DMXL1: variants seen among roughly 807,000 people sequenced by gnomAD.
DMXL1 encodes Dmx like 1.
Under a neutral mutation model 319.2 loss-of-function variants are expected in DMXL1, and 99 were observed. That is an observed-to-expected ratio of 0.31 (90% CI 0.26 to 0.37). The LOEUF is 0.37. DMXL1 is among the 10% of genes least tolerant of loss of function. The probability of loss-of-function intolerance (pLI) is 1.00; values close to 1 mark genes in which losing one functional copy is unlikely to be tolerated. For missense variants in DMXL1, 3,745 were observed against 3,595.6 expected, an observed-to-expected ratio of 1.04 and a Z score of -1.06; for synonymous variants, 1,385 against 1,235.2, an observed-to-expected ratio of 1.12 and a Z score of -2.54.
intron 8 of DMXL1, among the ~76,000 whole-genome samples, 190 bp from the exon 9 acceptor site, chr5:119,120,781 A>C (rs1761871506): frequency 6.6e-6 from 1 of 152,264 alleles, no homozygotes; most frequent in Non-Finnish European, 1.5e-5. Context: ...TTTATTCTTC[A>C]GGATTCAAAT....
intron 33 of DMXL1, among the ~76,000 whole-genome samples, chr5:119,205,612 C>A (rs1781604720): frequency 6.6e-6 from 1 of 151,788 alleles, no homozygotes; most frequent in African/African-American, 2.4e-5. Context: ...TAAACCTTGA[C>A]ACAATTAATG....
intron 38 of DMXL1, among the ~76,000 whole-genome samples, chr5:119,226,289 A>G (rs560694581): frequency 6.6e-6 from 1 of 152,208 alleles, no homozygotes; most frequent in South Asian, 2.1e-4. Context: ...GTCACAAACA[A>G]GTCCCACAGG....
At position 119,133,711 on chromosome 5, in the gene DMXL1, A is replaced by G; in HGVS notation, c.1787A>G (p.Asn596Ser). Residue 596 changes from asparagine (N) to serine (S), a missense_variant, in exon 12 of 44, where the codon AAT becomes AGT. By Grantham distance (46) the Asn-to-Ser change is conservative (BLOSUM62 1). This residue lies in a region of DMXL1 where 2,096 missense variants were observed against 1,985.4 expected (regional missense o/e 1.06). Coordinates refer to ENST00000539542, the MANE Select transcript of DMXL1 (RefSeq NM_001290321.3). ...TTAAAATTAAGTATTTTTACGCCTA[A>G]TGTTATGATGATATCAAAACATGCT... ...NSLKLSIFTP[N>S]VMMISKHADG... The G allele has an allele frequency of 6.2e-7, 1 of 1,614,208 alleles. No individual in the cohort carries two copies. The highest frequency in any genetic ancestry group is 8.5e-7 in the Non-Finnish European group (1 of 1,180,026).
chr5:119,161,591 C>T (rs1411462953), intron 19 of DMXL1, among the ~76,000 whole-genome samples: 1 of 152,220 alleles, frequency 6.6e-6, no homozygotes, highest in African/African-American at 2.4e-5. Flanking sequence ...TAAGGAAATA[C>T]ACAGTGATCG....
At chr5:119,221,640 T>A (rs995315974) in intron 37 of DMXL1, among the ~76,000 whole-genome samples, 2 of 152,090 alleles carry the variant, frequency 1.3e-5, no homozygotes, top group Non-Finnish European at 2.9e-5. Flanking sequence ...AGAAAGTAAA[T>A]GCCCATAAAG....
chr5:119,162,555 A>G (rs1260785083), intron 19 of DMXL1, among the ~76,000 whole-genome samples: 1 of 152,172 alleles, frequency 6.6e-6, no homozygotes, highest in East Asian at 1.9e-4. Flanking sequence ...TCCCTTTTAT[A>G]AGGATGTTAA....
intron 41 of DMXL1, among the ~76,000 whole-genome samples, chr5:119,240,031 G>T (rs1788488212): frequency 1.3e-5 from 2 of 151,478 alleles, no homozygotes; most frequent in African/African-American, 4.8e-5. Flanking sequence ...TGCCTTGGCA[G>T]GCTGAGGCAG....
At chr5:119,118,259 C>T (rs776071431) in intron 7 of DMXL1, among the ~76,000 whole-genome samples, 1 of 152,182 alleles carries the variant, frequency 6.6e-6, no homozygotes, top group Non-Finnish European at 1.5e-5. Flanking sequence ...TAAGTGTACT[C>T]AGTAGTTACT....
intron 43 of DMXL1, among the ~76,000 whole-genome samples, chr5:119,246,593 G>T (rs1789815619): frequency 2.7e-5 from 4 of 150,720 alleles, no homozygotes; most frequent in Admixed American, 2.6e-4. Flanking sequence ...GCACAGGAAT[G>T]CAGGCCTAAA....
intron 26 of DMXL1, among the ~76,000 whole-genome samples, 171 bp downstream of exon 26, chr5:119,175,508 A>G (rs566561555): frequency 6.6e-6 from 1 of 152,280 alleles, no homozygotes; most frequent in South Asian, 2.1e-4. Context: ...ATGGCAGATG[A>G]ATCTCAAACC....
chr5:119,120,848 T>C (rs961568791), intron 8 of DMXL1, 123 bp from the exon 9 acceptor site: 3 of 751,502 alleles, frequency 4.0e-6, no homozygotes, highest in Non-Finnish European at 5.8e-6. Context: ...AAAGGCGTTT[T>C]TACATATAAA....
intron 39 of DMXL1, among the ~76,000 whole-genome samples, chr5:119,234,904 T>C (rs1235504943): frequency 6.6e-6 from 1 of 152,138 alleles, no homozygotes; most frequent in Non-Finnish European, 1.5e-5. Flanking sequence ...TAAGACCTTC[T>C]ATAATGTGAC....
rs1450534107 is a variant in DMXL1 at position 119,152,071 on chromosome 5, A to T, written c.4702+35A>T. The T allele has an allele frequency of 2.1e-6, 3 of 1,439,318 alleles. No homozygotes were observed. In the East Asian group the frequency reaches 6.9e-5, roughly 33 times the overall value. The allele number at this position is 1,439,318 out of a possible 1,614,324, so 89.2% of individuals were successfully genotyped here. A position where few individuals can be genotyped will look rare whatever the true frequency, so the allele number is the denominator to read the frequency against. ...ATAGTAATCTATTAAAGGGAAATAA[A>T]GCGAGTAGAAAATGAGAGACTTGGG... is the stretch of plus-strand genomic sequence containing the variant. On this transcript the variant is annotated intron_variant, in intron 19 of 43. Transcript: ENST00000539542.
rs1367485074 is a variant in DMXL1, at chr5:119,189,697, CTTTT to C, written c.7136-9_7136-6del. On this transcript the variant is annotated splice_polypyrimidine_tract_variant and splice_region_variant and intron_variant, in intron 28 of 43. Coordinates refer to ENST00000539542, the MANE Select transcript of DMXL1 (RefSeq NM_001290321.3). The stretch of plus-strand genomic sequence containing the variant: ...TAGTACTTCAGTAACATTTTATTTT[CTTTT>C]TGTTAGTTTCTTCACTAGTTGAAGA... The C allele has an allele frequency of 6.2e-7, 1 of 1,612,036 alleles. No homozygotes were observed. Among genetic ancestry groups the C allele is most frequent in the Non-Finnish European group, 8.5e-7 (1 of 1,178,646 alleles).
chr5:119,238,080 A>T (rs1011806901), intron 40 of DMXL1, among the ~76,000 whole-genome samples: 3 of 152,142 alleles, frequency 2.0e-5, no homozygotes, highest in African/African-American at 7.2e-5. Context: ...TTGAAAGAAT[A>T]TTAACTGTTT....
chr5:119,151,756 T>C (rs1769848973), intron 18 of DMXL1, among the ~76,000 whole-genome samples, 173 bp from the exon 19 acceptor site: 1 of 152,214 alleles, frequency 6.6e-6, no homozygotes, highest in Non-Finnish European at 1.5e-5. Flanking sequence ...TCCAATTGTT[T>C]ATACTATTTT....
rs562271714 is a variant in DMXL1, at chr5:119,195,289, G to T, written c.7458-1082G>T. On this transcript the variant is annotated intron_variant, in intron 30 of 43. Coordinates refer to ENST00000539542, the MANE Select transcript of DMXL1 (RefSeq NM_001290321.3). The stretch of plus-strand genomic sequence containing the variant: ...AAAACAGGGACTGAAACAGGTATTT[G>T]TACTTCCCATGTTCTTAGCAGCATT... 5.3e-5 allele frequency among the ~76,000 whole-genome samples: 8 copies of T among 152,268 alleles called. No individual in the cohort carries two copies. In the South Asian group the frequency reaches 1.7e-3, roughly 32 times the overall value.
intron 9 of DMXL1, among the ~76,000 whole-genome samples, chr5:119,128,904 A>T (rs1454157550): frequency 6.6e-6 from 1 of 152,150 alleles, no homozygotes. Context: ...TCTCTACTGA[A>T]AATACAAAAA....
chr5:119,076,808 C>G (rs895281266), intron 1 of DMXL1, among the ~76,000 whole-genome samples: 1 of 152,118 alleles, frequency 6.6e-6, no homozygotes, highest in African/African-American at 2.4e-5. Context: ...TGAGAAGATT[C>G]TCTGCCAAAA....
Sources: gnomAD v4.1 joint callset for allele counts (sites outside exome capture counted in the v4.1 genomes callset) on GRCh38, gnomAD v4.1.1 for gene constraint, gnomAD v4.1.1 regional missense constraint, MANE v1.5 for transcripts, NCBI Gene and HGNC (gene_info 2026-07-23, HGNC 2026-07-21) for gene names.